Variants in SETD5 observed in about 807,000 individuals in gnomAD.
The protein encoded by SETD5 is SET domain containing 5, also known as histone-lysine N-methyltransferase SETD5.
SETD5 carries 44 observed loss-of-function variants against 153.3 expected under a neutral mutation model. That is an observed-to-expected ratio of 0.29 (90% CI 0.23 to 0.37). SETD5 has a LOEUF of 0.37. Ranked by LOEUF, SETD5 falls within the 10% of genes least tolerant of loss-of-function variation. The probability of loss-of-function intolerance (pLI) is 1.00; values close to 1 mark genes in which losing one functional copy is unlikely to be tolerated. For synonymous variants in SETD5, 716 were observed against 645.2 expected, an observed-to-expected ratio of 1.11 and a Z score of -1.66; for missense variants, 1,544 against 1,768.0, an observed-to-expected ratio of 0.87 and a Z score of 2.27.
chr3:9,439,504 C>T (rs1343576759), intron 7 of SETD5, among the ~76,000 whole-genome samples: 1 of 152,188 alleles, frequency 6.6e-6, no homozygotes. Context: ...TTTGGTACTA[C>T]AGTGTCTTTT....
chr3:9,468,867 GT>G (rs1349143570), intron 18 of SETD5, among the ~76,000 whole-genome samples: 1 of 151,972 alleles, frequency 6.6e-6, no homozygotes, highest in Non-Finnish European at 1.5e-5. Context: ...GGTGGCTGGA[GT>G]TCTATTAAAG....
chr3:9,470,555 C>G lies in SETD5; in HGVS notation c.2821C>G (p.His941Asp), dbSNP rs1167393019. The G allele has an allele frequency of 6.2e-7, 1 of 1,614,026 alleles. No homozygotes were observed. ...ADRPSLLNSG[H>D]SDLAPHPSLG... ...TAGACCTTCCCTACTCAACTCAGGT[C>G]ATTCTGACCTGGCTCCTCATCCCTC... The change falls in exon 19 of 23, where the codon CAT becomes GAT. Residue 941 changes from histidine (H) to aspartate (D), a missense_variant. Around this residue, in one of 9 missense-constraint regions of SETD5, gnomAD observed 782 missense variants for 787.2 expected, o/e 0.99. Transcript: ENST00000402198.
chr3:9,402,801 G>C (rs1301113620), intron 1 of SETD5, among the ~76,000 whole-genome samples: 1 of 152,184 alleles, frequency 6.6e-6, no homozygotes, highest in Non-Finnish European at 1.5e-5. Context: ...TTTTTGATTT[G>C]TGCTACCTAA....
chr3:9,436,986 C>A, intron 7 of SETD5: 1 of 1,097,098 alleles, frequency 9.1e-7, no homozygotes, highest in Non-Finnish European at 1.3e-6. Flanking sequence ...GAATCTTGGA[C>A]TCTGCTTTTC....
At chr3:9,448,762 T>G (rs1438874782) in intron 16 of SETD5, 132 bp downstream of exon 16, 3 of 852,054 alleles carry the variant, frequency 3.5e-6, no homozygotes, top group Non-Finnish European at 5.2e-6. Context: ...GAGTTTATAA[T>G]GAGTTAGTTG....
intron 2 of SETD5, among the ~76,000 whole-genome samples, chr3:9,427,480 G>T (rs1380307029): frequency 6.6e-6 from 1 of 152,206 alleles, no homozygotes; most frequent in African/African-American, 2.4e-5. Flanking sequence ...AAGCCAGGAG[G>T]CGGAGGTTGT....
chr3:9,440,956 T>A (rs934876203), intron 8 of SETD5, among the ~76,000 whole-genome samples: 3 of 151,768 alleles, frequency 2.0e-5, no homozygotes, highest in African/African-American at 7.3e-5. Flanking sequence ...ACTCCTATAA[T>A]ACAACACTTT....
intron 17 of SETD5, among the ~76,000 whole-genome samples, chr3:9,462,446 G>T (rs1478469389): frequency 6.6e-6 from 1 of 151,540 alleles, no homozygotes; most frequent in South Asian, 2.1e-4. Context: ...AATTAGCCGG[G>T]TGTGGTAGCG....
intron 16 of SETD5, among the ~76,000 whole-genome samples, chr3:9,450,474 T>C (rs2042489898): frequency 6.6e-6 from 1 of 152,230 alleles, no homozygotes; most frequent in Admixed American, 6.5e-5. Context: ...TTTTTTAAAA[T>C]ACAGCTTTTT....
At chr3:9,404,372 C>T (rs2035326241) in intron 1 of SETD5, among the ~76,000 whole-genome samples, 2 of 152,122 alleles carry the variant, frequency 1.3e-5, no homozygotes, top group African/African-American at 2.4e-5. Context: ...ATTTAATGGT[C>T]TTGGCAGTAA....
intron 7 of SETD5, among the ~76,000 whole-genome samples, chr3:9,439,793 C>T (rs2041050046): frequency 6.6e-6 from 1 of 152,164 alleles, no homozygotes; most frequent in Non-Finnish European, 1.5e-5. Context: ...CCTCACTTCA[C>T]CTCTTCAGAT....
intron 3 of SETD5, 66 bp from the exon 4 acceptor site, chr3:9,433,779 T>C (rs2040246942): frequency 2.7e-6 from 4 of 1,491,756 alleles, no homozygotes; most frequent in Admixed American, 1.7e-5. Context: ...GAATGGGAAA[T>C]GAAGTGTTAG....
intron 2 of SETD5, among the ~76,000 whole-genome samples, chr3:9,427,658 T>G (rs1559385787): frequency 1.3e-5 from 2 of 152,232 alleles, no homozygotes; most frequent in Admixed American, 6.5e-5. Context: ...AATGTCTTAT[T>G]ATGAATCAGT....
At position 9,441,634 on chromosome 3, in the gene SETD5, G is replaced by A. The variant is rs2041308841; in HGVS notation, c.852G>A (p.Lys284=). ...TCACTCGTGTTCAAAAGCACCGGAA[G>A]ATCCTGAGGGCTGCAAGAGATTTGG... The part of the protein sequence containing the change: ...GRVTRVQKHR[K]ILRAARDLAL... The change falls in exon 9 of 23, where the codon AAG becomes AAA. Residue 284 remains lysine (K), a synonymous_variant. Transcript: ENST00000402198. 1.2e-6 allele frequency: 2 copies of A among 1,613,864 alleles called. No individual in the cohort carries two copies. Among genetic ancestry groups the A allele is most frequent in the African/African-American group, 1.3e-5 (1 of 74,926 alleles).
At chr3:9,413,761 TTTTG>T (rs760029538) in intron 1 of SETD5, among the ~76,000 whole-genome samples, 18 of 151,226 alleles carry the variant, frequency 1.2e-4, no homozygotes, top group Non-Finnish European at 2.4e-4. Context: ...AAGTTTCATT[TTTTG>T]TTTGTTTTTG....
At chr3:9,455,169 T>A (rs1195802735) in intron 17 of SETD5, among the ~76,000 whole-genome samples, 1 of 76,740 alleles carries the variant, frequency 1.3e-5, no homozygotes, top group Non-Finnish European at 2.8e-5. Context: ...TCTTTTTTTC[T>A]TTTTTTTTTT....
At chr3:9,452,581 C>T (rs1290153565) in intron 16 of SETD5, among the ~76,000 whole-genome samples, 1 of 139,892 alleles carries the variant, frequency 7.1e-6, no homozygotes, top group African/African-American at 2.9e-5. Context: ...GTTCACTCTT[C>T]CTTCCAAGTG....
chr3:9,404,541 A>C (rs753937046), intron 1 of SETD5, among the ~76,000 whole-genome samples: 1 of 152,208 alleles, frequency 6.6e-6, no homozygotes, highest in Non-Finnish European at 1.5e-5. Flanking sequence ...TTCTTTCTTT[A>C]TAATTTATTC....
chr3:9,441,524 T>C, intron 8 of SETD5, 69 bp from the exon 9 acceptor site: 1 of 1,384,510 alleles, frequency 7.2e-7, no homozygotes, highest in African/African-American at 1.4e-5. Context: ...TCCTTAATTA[T>C]GAAGTAATTT....
Sources: allele counts gnomAD v4.1 joint callset (sites outside exome capture counted in the v4.1 genomes callset), GRCh38; gene constraint gnomAD v4.1.1; regional missense constraint gnomAD v4.1.1; transcripts MANE v1.5; gene names NCBI Gene and HGNC (gene_info 2026-07-23, HGNC 2026-07-21).